The following LMNTD1 variants were observed in gnomAD, a reference collection of about 807,000 sequenced individuals.
LMNTD1 encodes the protein lamin tail domain containing 1.
Under a neutral mutation model 50.9 loss-of-function variants are expected in LMNTD1, and 35 were observed. The observed-to-expected ratio is 0.69, with a 90% CI of 0.53 to 0.91. The LOEUF is 0.91. Ranked by LOEUF, LMNTD1 falls within the 40% of genes least tolerant of loss-of-function variation. The pLI is 0.00. For synonymous variants in LMNTD1, 153 were observed against 161.9 expected (o/e 0.94, Z 0.42); for missense variants, 470 against 475.5 (o/e 0.99, Z 0.11).
intron 1 of LMNTD1, among the ~76,000 whole-genome samples, chr12:25,591,231 GA>G (rs577404466): frequency 2.2e-4 from 33 of 152,170 alleles, no homozygotes; most frequent in Non-Finnish European, 4.3e-4. Context: ...TTTCCCAAAT[GA>G]ATGGAGTCTC....
chr12:25,604,146 C>G (rs765369255), intron 1 of LMNTD1, among the ~76,000 whole-genome samples: 3 of 152,064 alleles, frequency 2.0e-5, no homozygotes, highest in African/African-American at 7.2e-5. Flanking sequence ...TTAAGAGTAC[C>G]TGCCCCAACT....
At chr12:25,619,252 C>CTCTCTCTATATATATATATATATATATA (rs1374134268) in intron 1 of LMNTD1, among the ~76,000 whole-genome samples, 5 of 84,436 alleles carry the variant, frequency 5.9e-5, no homozygotes, top group Non-Finnish European at 9.2e-5. Flanking sequence ...CTCTCTCTCT[C>CTCTCTCTATATATATATATATATATATA]TATATATATA....
intron 1 of LMNTD1, among the ~76,000 whole-genome samples, chr12:25,624,585 T>TTAGGAGTCATTGCCTA (rs6144654): frequency 0.49 from 74,945 of 151,826 alleles, 20,470 homozygotes; most frequent in Non-Finnish European, 0.63. Context: ...TATAGGACTT[T>TTAGGAGTCATTGCCTA]TAGGAGTCAT....
intron 1 of LMNTD1, among the ~76,000 whole-genome samples, chr12:25,625,025 T>A (rs1278856568): frequency 9.1e-6 from 1 of 109,484 alleles, no homozygotes; most frequent in Non-Finnish European, 2.4e-5. Context: ...CACACATATA[T>A]ACACATGCAC....
chr12:25,623,319 G>A (rs1245914087), intron 1 of LMNTD1, among the ~76,000 whole-genome samples: 2 of 151,946 alleles, frequency 1.3e-5, no homozygotes, highest in East Asian at 3.9e-4. Context: ...GGAGGCCAAA[G>A]TGAGTGGATC....
At chr12:25,616,809 CAG>C (rs1946362380) in intron 1 of LMNTD1, among the ~76,000 whole-genome samples, 1 of 152,096 alleles carries the variant, frequency 6.6e-6, no homozygotes, top group African/African-American at 2.4e-5. Context: ...GGACAGAAAA[CAG>C]AGTTCTGTTT....
chr12:25,625,517 G>T lies in LMNTD1; in HGVS notation c.58+22977C>A, dbSNP rs1391986315. On this transcript the variant is annotated intron_variant, in intron 1 of 7. Coordinates refer to the LMNTD1 transcript ENST00000445693. ...CAGGGTGGTCACTGAACAATCATGG[G>T]TCCTACACCTCACAGCTGGTCTGCT... is the stretch of plus-strand genomic sequence containing the variant. Among the ~76,000 whole-genome samples, 4 of 152,028 alleles carry T rather than the reference G, an allele frequency of 2.6e-5. No individual in the cohort carries two copies. The East Asian group carries it at 7.7e-4, about 29-fold the overall frequency.
In LMNTD1 at chr12:25,520,145, C is replaced by CATATATATAT. The variant is rs71065950; in HGVS notation, c.799-80_799-71dup. ...TTACAACATGCTGTTATGAGATATACATATATATATATATATATATATATA... is the reference window on the plus strand; with the variant it reads ...TTACAACATGCTGTTATGAGATATACATATATATATATATATATATATATATATATATATA... On this transcript the variant is annotated intron_variant, in intron 6 of 9. Coordinates refer to ENST00000458174, the MANE Select transcript of LMNTD1 (RefSeq NM_001145728.2). 1,413 of 233,944 alleles carry CATATATATAT rather than the reference C, an allele frequency of 6.0e-3. 17 individuals are homozygous for CATATATATAT. The highest frequency in any genetic ancestry group is 7.2e-3 in the Admixed American group (116 of 16,066). The allele number at this position is 233,944 out of a possible 1,614,324, so 14.5% of individuals were successfully genotyped here.
chr12:25,549,455 T>A lies in LMNTD1; in HGVS notation c.181A>T (p.Asn61Tyr). ...TAACCAAGAGGCATTCCACTGGAATTTGAAGATGACAATGGCAGTGTTGTG... is the reference window on the plus strand; with the variant it reads ...TAACCAAGAGGCATTCCACTGGAATATGAAGATGACAATGGCAGTGTTGTG... ...VATTLPLSSS[N>Y]SSGMPLGYYL... The change falls in exon 3 of 10, where the codon AAT becomes TAT. Residue 61 changes from asparagine (N) to tyrosine (Y), a missense_variant. Physicochemically the swap from Asn to Tyr is moderately radical, Grantham distance 143 (BLOSUM62 -2). Coordinates refer to ENST00000458174, the MANE Select transcript of LMNTD1 (RefSeq NM_001145728.2). The A allele has an allele frequency of 1.9e-6, 3 of 1,613,368 alleles. No homozygotes were observed. The highest frequency in any genetic ancestry group is 2.5e-6 in the Non-Finnish European group (3 of 1,179,438).
chr12:25,488,915 G>A lies in LMNTD1; in HGVS notation c.*23-12455C>T, dbSNP rs1938769782. 4.6e-5 allele frequency among the ~76,000 whole-genome samples: 7 copies of A among 152,304 alleles called. No individual in the cohort carries two copies. The South Asian group carries it at 1.5e-3, about 32-fold the overall frequency. Reference sequence around the variant, plus strand: ...TGAGGTGTCAGTGTGCCCCTGCTGGGGGGTGCCTCCCAGTTAGGCTGCTCG... The same window carrying A: ...TGAGGTGTCAGTGTGCCCCTGCTGGAGGGTGCCTCCCAGTTAGGCTGCTCG... On this transcript the variant is annotated intron_variant, in intron 9 of 9. Coordinates refer to ENST00000458174, the MANE Select transcript of LMNTD1 (RefSeq NM_001145728.2).
intron 8 of LMNTD1, among the ~76,000 whole-genome samples, chr12:25,515,325 GAC>G (rs1300019369): frequency 2.0e-5 from 3 of 151,976 alleles, no homozygotes; most frequent in African/African-American, 7.2e-5. Context: ...TGGTTAAAGT[GAC>G]TGAATTAGGT....
rs61347000 is a variant in LMNTD1 at position 25,527,640 on chromosome 12, CTATA to C, written c.492-689_492-686del. On this transcript the variant is annotated intron_variant, in intron 4 of 9. Coordinates refer to ENST00000458174, the MANE Select transcript of LMNTD1 (RefSeq NM_001145728.2). ...CTTATATGCCAGGCACTTAATAACA[CTATA>C]TATATATATATATATATATATATAT... Among the ~76,000 whole-genome samples the C allele has an allele frequency of 8.0e-3, 490 of 61,314 alleles. 1 individual carries two copies. Among genetic ancestry groups the C allele is most frequent in the African/African-American group, 0.011 (177 of 15,874 alleles). The allele number at this position is 61,314 out of a possible 152,430, so 40.2% of individuals were successfully genotyped here.
chr12:25,625,845 C>T (rs1239655159), intron 1 of LMNTD1, among the ~76,000 whole-genome samples: 1 of 152,130 alleles, frequency 6.6e-6, no homozygotes. Flanking sequence ...CTCTGCCTCC[C>T]ACTGTGGTGG....
At chr12:25,553,387 T>C (rs1943889661), upstream of LMNTD1, 2 of 529,410 alleles carry the variant, frequency 3.8e-6, no homozygotes, top group Non-Finnish European at 5.7e-6. Context: ...TGCTGTACCT[T>C]CTTTGCAGTT....
Position 25,549,878 on chromosome 12 carries a change from T to C in LMNTD1, c.90-332A>G, listed in dbSNP as rs185325549. The stretch of plus-strand genomic sequence containing the variant: ...CCATCTCCTTCCAGGCTTTTAAATG[T>C]ACTTTTTACTCTAAGTGGAGACTTT... On this transcript the variant is annotated intron_variant, in intron 2 of 9. Transcript: ENST00000458174. Among the ~76,000 whole-genome samples, 433 of 152,306 alleles carry C rather than the reference T, an allele frequency of 2.8e-3. 1 individual carries two copies. The highest frequency in any genetic ancestry group is 0.01 in the Middle Eastern group (3 of 294).
At chr12:25,646,202 C>T (rs963237784) in intron 1 of LMNTD1, among the ~76,000 whole-genome samples, 1 of 151,890 alleles carries the variant, frequency 6.6e-6, no homozygotes, top group Non-Finnish European at 1.5e-5. Flanking sequence ...GGAAGACGTA[C>T]CCCTTGCCCA....
intron 9 of LMNTD1, chr12:25,502,819 T>C (rs1450399375): frequency 6.6e-6 from 1 of 151,940 alleles, no homozygotes; most frequent in Non-Finnish European, 1.5e-5. Flanking sequence ...TTAGGGAAAA[T>C]CTAGGGAGAG....
intron 9 of LMNTD1, among the ~76,000 whole-genome samples, chr12:25,489,607 A>G (rs1343692943): frequency 6.6e-6 from 1 of 151,420 alleles, no homozygotes; most frequent in Non-Finnish European, 1.5e-5. Flanking sequence ...TCACGCTGGG[A>G]GCTGTAGACC....
intron 1 of LMNTD1, among the ~76,000 whole-genome samples, chr12:25,569,184 G>A (rs188120960): frequency 1.3e-5 from 2 of 152,366 alleles, no homozygotes; most frequent in African/African-American, 4.8e-5. Flanking sequence ...GGCCTTAGGA[G>A]TCCACCCATT....
Sources: gnomAD v4.1 joint callset for allele counts (sites outside exome capture counted in the v4.1 genomes callset) on GRCh38, gnomAD v4.1.1 for gene constraint, MANE v1.5 for transcripts, NCBI Gene and HGNC (gene_info 2026-07-23, HGNC 2026-07-21) for gene names.